RYR3: variants seen among roughly 807,000 people sequenced by gnomAD.
RYR3 encodes ryanodine receptor 3.
Under a neutral mutation model 584.3 loss-of-function variants are expected in RYR3, and 207 were observed. The ratio of observed to expected loss-of-function variants is 0.35; its 90% CI spans 0.32 to 0.40. RYR3 has a LOEUF of 0.40. Ranked by LOEUF, RYR3 falls within the 10% of genes least tolerant of loss-of-function variation. The pLI is 1.00. For synonymous variants in RYR3, 2,416 were observed against 2,248.5 expected (o/e 1.07, Z -2.11); for missense variants, 5,616 against 6,089.2 (o/e 0.92, Z 2.59).
rs372292630 is a variant in RYR3 at position 33,850,349 on chromosome 15, T to G, written c.13628+1928T>G. On this transcript the variant is annotated intron_variant, in intron 94 of 103. Transcript: ENST00000634891. ...GTGAGCTGAGATCACACCACTGCGC[T>G]CCAGCCTGGGCGACAGAGCAAGACT... is the stretch of plus-strand genomic sequence containing the variant. 1.7e-4 allele frequency: 26 copies of G among 150,388 alleles called. No individual in the cohort carries two copies. The East Asian group carries it at 4.1e-3, about 24-fold the overall frequency. The allele number at this position is 150,388 out of a possible 1,614,324, so 9.3% of individuals were successfully genotyped here.
intron 16 of RYR3, among the ~76,000 whole-genome samples, chr15:33,590,868 A>G (rs939967219): frequency 5.9e-5 from 9 of 152,178 alleles, no homozygotes; most frequent in Admixed American, 2.6e-4. Context: ...TTGAGACTAC[A>G]TATAATGGTA....
chr15:33,540,817 A>G lies in RYR3; in HGVS notation c.573A>G (p.Ile191Met). The G allele has an allele frequency of 2.5e-6, 4 of 1,611,626 alleles. No individual in the cohort carries two copies. Among genetic ancestry groups the G allele is most frequent in the East Asian group, 4.5e-5 (2 of 44,868 alleles). The part of the protein sequence containing the change: ...YLHLSVSNGN[I>M]QVDASFMQTL... ...ATCTCTCAGTATCAAATGGTAACAT[A>G]CAAGTGGATGCCTCCTTTATGCAAA... is the stretch of plus-strand genomic sequence containing the variant. Residue 191 changes from isoleucine (I) to methionine (M), a missense_variant, in exon 7 of 104, where the codon ATA becomes ATG. By Grantham distance (10) the Ile-to-Met change is conservative (BLOSUM62 1). Around this residue, in one of 9 missense-constraint regions of RYR3, gnomAD observed 1,284 missense variants for 1,344.6 expected, o/e 0.95. Coordinates refer to ENST00000634891, the MANE Select transcript of RYR3 (RefSeq NM_001036.6).
At chr15:33,669,857 G>GGGGGGGGGGGGGGTGGT (rs1555401713) in intron 37 of RYR3, among the ~76,000 whole-genome samples, 2 of 60,220 alleles carry the variant, frequency 3.3e-5, no homozygotes, top group African/African-American at 7.0e-5. Context: ...GGGGGGGGGG[G>GGGGGGGGGGGGGGTGGT]GTGTGGGTGT....
At chr15:33,833,213 T>C (rs1416373181) in intron 86 of RYR3, among the ~76,000 whole-genome samples, 2 of 152,186 alleles carry the variant, frequency 1.3e-5, no homozygotes, top group Non-Finnish European at 2.9e-5. Context: ...GTGGACAATG[T>C]TTTTTACCTT....
At chr15:33,512,660 T>C (rs2053138786) in intron 3 of RYR3, among the ~76,000 whole-genome samples, 1 of 152,268 alleles carries the variant, frequency 6.6e-6, no homozygotes, top group Non-Finnish European at 1.5e-5. Context: ...ATTCTGTTCA[T>C]CCTTGCTGTG....
chr15:33,470,451 T>C (rs2048839040), intron 1 of RYR3, among the ~76,000 whole-genome samples: 1 of 146,296 alleles, frequency 6.8e-6, no homozygotes, highest in Non-Finnish European at 1.5e-5. Context: ...AGAGTTGTGT[T>C]ATTTTCTCTA....
intron 12 of RYR3, among the ~76,000 whole-genome samples, chr15:33,579,073 C>A (rs2058464066): frequency 6.6e-6 from 1 of 151,818 alleles, no homozygotes; most frequent in African/African-American, 2.4e-5. Flanking sequence ...AGGAGGAACA[C>A]AACAGGGAGA....
At chr15:33,687,808 G>A (rs541395848) in intron 38 of RYR3, among the ~76,000 whole-genome samples, 47 of 152,272 alleles carry the variant, frequency 3.1e-4, no homozygotes, top group African/African-American at 1.1e-3. Context: ...AACAGGAAAT[G>A]GGGAAAGGAT....
intron 47 of RYR3, among the ~76,000 whole-genome samples, chr15:33,730,048 C>G (rs1274555906): frequency 6.6e-6 from 1 of 151,298 alleles, no homozygotes; most frequent in Non-Finnish European, 1.5e-5. Flanking sequence ...ACTGAATAAC[C>G]CAGTCTAACC....
rs1567283051 is a variant in RYR3, at chr15:33,836,928, T to C, written c.11591T>C (p.Leu3864Pro). Residue 3864 changes from leucine (L) to proline (P), a missense_variant, in exon 88 of 104, where the codon CTG (leucine) becomes CCG (proline). Physicochemically the swap from Leu to Pro is moderately conservative, Grantham distance 98. Around this residue, in one of 9 missense-constraint regions of RYR3, gnomAD observed 954 missense variants for 1,132.2 expected, o/e 0.84. Transcript: ENST00000634891. ...LSQDSSQIEL[L>P]KELLDLLQDM... Reference sequence around the variant, plus strand: ...TAGGATTCCAGTCAGATCGAGCTGCTGAAGGAACTCTTGGATCTCCTTCAG... The same window carrying C: ...TAGGATTCCAGTCAGATCGAGCTGCCGAAGGAACTCTTGGATCTCCTTCAG... 6.2e-7 allele frequency: 1 copy of C among 1,613,666 alleles called. No individual in the cohort carries two copies. The highest frequency in any genetic ancestry group is 8.5e-7 in the Non-Finnish European group (1 of 1,179,798).
At chr15:33,437,093 A>AGT (rs1232427544) in intron 1 of RYR3, among the ~76,000 whole-genome samples, 3 of 147,526 alleles carry the variant, frequency 2.0e-5, no homozygotes, top group Admixed American at 6.8e-5. Flanking sequence ...CATGTGTTTG[A>AGT]GTGTGTGTGA....
At chr15:33,841,302 T>C (rs1325698735) in intron 90 of RYR3, among the ~76,000 whole-genome samples, 3 of 152,222 alleles carry the variant, frequency 2.0e-5, no homozygotes, top group Admixed American at 6.5e-5. Flanking sequence ...AAACTTGATA[T>C]CTGTCAATGC....
chr15:33,757,390 C>T (rs914700293), intron 59 of RYR3, 85 bp from the exon 60 acceptor site: 19 of 1,421,364 alleles, frequency 1.3e-5, no homozygotes, highest in Non-Finnish European at 1.6e-5. Flanking sequence ...AGGCTTTTTG[C>T]TCACTGAAAA....
intron 10 of RYR3, among the ~76,000 whole-genome samples, chr15:33,556,632 A>C (rs1365347704): frequency 6.6e-6 from 1 of 152,228 alleles, no homozygotes; most frequent in Non-Finnish European, 1.5e-5. Flanking sequence ...TCTGTTAACA[A>C]TATGAGCTTG....
intron 19 of RYR3, among the ~76,000 whole-genome samples, chr15:33,620,822 T>A (rs1405610262): frequency 6.6e-6 from 1 of 152,226 alleles, no homozygotes; most frequent in Non-Finnish European, 1.5e-5. Context: ...CCTGGACCAC[T>A]GTCTGTTCAA....
chr15:33,677,512 A>C (rs1231044468), intron 38 of RYR3, among the ~76,000 whole-genome samples: 1 of 152,038 alleles, frequency 6.6e-6, no homozygotes, highest in Non-Finnish European at 1.5e-5. Flanking sequence ...GTATTGAAAA[A>C]CTGATTATGA....
intron 60 of RYR3, among the ~76,000 whole-genome samples, chr15:33,758,735 T>C (rs193268085): frequency 7.2e-4 from 109 of 152,128 alleles, no homozygotes; most frequent in Middle Eastern, 3.4e-3. Context: ...ACTTAAAAGT[T>C]CCTGCCTGCC....
intron 102 of RYR3, among the ~76,000 whole-genome samples, chr15:33,863,038 T>A (rs11072758): frequency 0.85 from 129,158 of 152,270 alleles, 54,904 homozygotes; most frequent in East Asian, 0.99. Context: ...GCCACGTGTC[T>A]GTACCCATGG....
intron 8 of RYR3, among the ~76,000 whole-genome samples, chr15:33,544,547 C>T (rs943881732): frequency 6.6e-6 from 1 of 152,172 alleles, no homozygotes; most frequent in African/African-American, 2.4e-5. Context: ...CCACAGGTCA[C>T]ACACTGGCTG....
Sources: gnomAD v4.1 joint callset for allele counts (sites outside exome capture counted in the v4.1 genomes callset) on GRCh38, gnomAD v4.1.1 for gene constraint, gnomAD v4.1.1 regional missense constraint, MANE v1.5 for transcripts, NCBI Gene and HGNC (gene_info 2026-07-23, HGNC 2026-07-21) for gene names.